Variants in CADM2 observed in about 807,000 individuals in gnomAD.
CADM2 encodes the protein immunoglobulin superfamily member 4D.
CADM2 carries 12 observed loss-of-function variants against 49.8 expected under a neutral mutation model. The ratio of observed to expected loss-of-function variants is 0.24; its 90% confidence interval spans 0.15 to 0.39. The LOEUF (loss-of-function observed/expected upper bound fraction) is 0.39. CADM2 is among the 10% of genes least tolerant of loss of function. CADM2 has a pLI of 1.00. For synonymous variants in CADM2, 214 were observed against 175.4 expected (o/e 1.22, Z -1.74); for missense variants, 378 against 492.3 (o/e 0.77, Z 2.20).
intron 5 of CADM2, among the ~76,000 whole-genome samples, chr3:85,903,217 G>A (rs555098845): frequency 6.9e-4 from 104 of 151,524 alleles, no homozygotes; most frequent in Non-Finnish European, 1.2e-3. Flanking sequence ...TCTTTGTTCT[G>A]ATTATTATTT....
At chr3:85,664,321 A>C (rs1363535536) in intron 1 of CADM2, among the ~76,000 whole-genome samples, 1 of 152,014 alleles carries the variant, frequency 6.6e-6, no homozygotes, top group Non-Finnish European at 1.5e-5. Context: ...CTATAGCTAC[A>C]GGCATTTTCA....
At chr3:86,053,280 T>C (rs1052324671) in intron 8 of CADM2, among the ~76,000 whole-genome samples, 2 of 152,220 alleles carry the variant, frequency 1.3e-5, no homozygotes, top group African/African-American at 4.8e-5. Context: ...ATTTTCCTTG[T>C]AAGTCAAACA....
intron 2 of CADM2, among the ~76,000 whole-genome samples, chr3:85,773,271 C>A (rs780092476): frequency 1.3e-5 from 2 of 151,964 alleles, no homozygotes; most frequent in Non-Finnish European, 2.9e-5. Flanking sequence ...ATAAACAGCC[C>A]CTTTTCCTTA....
intron 8 of CADM2, among the ~76,000 whole-genome samples, chr3:86,049,082 A>T (rs1464312522): frequency 6.6e-6 from 1 of 152,024 alleles, no homozygotes; most frequent in East Asian, 1.9e-4. Context: ...CATGTAATGT[A>T]GTAATTAAAA....
intron 1 of CADM2, among the ~76,000 whole-genome samples, chr3:85,159,413 T>G (rs1040866240): frequency 6.6e-6 from 1 of 152,108 alleles, no homozygotes; most frequent in African/African-American, 2.4e-5. Context: ...GAAATTAGGG[T>G]TGTAGACTGG....
At chr3:85,711,436 A>G (rs2067114421) in intron 1 of CADM2, among the ~76,000 whole-genome samples, 2 of 152,198 alleles carry the variant, frequency 1.3e-5, no homozygotes, top group South Asian at 4.1e-4. Context: ...GAAACTTTAA[A>G]AAAATAAAAC....
At chr3:85,233,330 T>TAAAG (rs2042339861) in intron 1 of CADM2, among the ~76,000 whole-genome samples, 1 of 152,108 alleles carries the variant, frequency 6.6e-6, no homozygotes, top group African/African-American at 2.4e-5. Flanking sequence ...ATTATGCATT[T>TAAAG]GTCAGAACCC....
At chr3:85,062,077 TACACACACACGCACACACACACACACAA>T in intron 1 of CADM2, among the ~76,000 whole-genome samples, 1 of 149,264 alleles carries the variant, frequency 6.7e-6, no homozygotes, top group African/African-American at 2.5e-5. Flanking sequence ...CTCTCACTCA[TACACACACACGCACACACACACACACAA>T]ACACACACAC....
At chr3:85,723,206 G>A (rs1392464336) in intron 1 of CADM2, among the ~76,000 whole-genome samples, 1 of 152,054 alleles carries the variant, frequency 6.6e-6, no homozygotes, top group Non-Finnish European at 1.5e-5. Flanking sequence ...GAAAAAAGTA[G>A]TATGAATAAT....
chr3:85,787,393 T>C (rs577336841), intron 2 of CADM2, among the ~76,000 whole-genome samples: 92 of 152,116 alleles, frequency 6.0e-4, no homozygotes, highest in Non-Finnish European at 1.0e-3. Flanking sequence ...AGGTACTTGA[T>C]TGTAAACACA....
At chr3:85,532,598 A>G (rs2061340032) in intron 1 of CADM2, among the ~76,000 whole-genome samples, 1 of 152,308 alleles carries the variant, frequency 6.6e-6, no homozygotes, top group South Asian at 2.1e-4. Flanking sequence ...GGCAAATGGC[A>G]GGAGAAATTG....
intron 1 of CADM2, among the ~76,000 whole-genome samples, chr3:85,110,441 C>A (rs1204357540): frequency 1.3e-5 from 2 of 151,756 alleles, no homozygotes. Flanking sequence ...ATTGTCCCTC[C>A]TTTCTTTATA....
rs535770623 is a variant in CADM2 at position 85,474,302 on chromosome 3, C to A, written c.62-252220C>A. Among the ~76,000 whole-genome samples, 6 of 151,808 alleles carry A rather than the reference C, an allele frequency of 4.0e-5. No homozygotes were observed. The East Asian group carries it at 1.2e-3, about 30-fold the overall frequency. ...CCTAGGTAAGTGTTGAAGTTGGAGT[C>A]CGAAGAGAGTCTCTTGGCGGAAGTC... On this transcript the variant is annotated intron_variant, in intron 1 of 9. Coordinates refer to ENST00000383699, the MANE Select transcript of CADM2 (RefSeq NM_001167675.2).
At chr3:85,548,565 C>T (rs983870667) in intron 1 of CADM2, among the ~76,000 whole-genome samples, 15 of 152,050 alleles carry the variant, frequency 9.9e-5, no homozygotes, top group Non-Finnish European at 1.8e-4. Context: ...TAAGAAACAG[C>T]AGAGAGAGAC....
chr3:85,156,148 A>G (rs1257278855), intron 1 of CADM2, among the ~76,000 whole-genome samples: 1 of 151,598 alleles, frequency 6.6e-6, no homozygotes, highest in Non-Finnish European at 1.5e-5. Context: ...GGAAATAGAG[A>G]CACAAAAAGC....
chr3:85,874,713 C>T (rs1445690039), intron 3 of CADM2, among the ~76,000 whole-genome samples: 1 of 151,866 alleles, frequency 6.6e-6, no homozygotes, highest in African/African-American at 2.4e-5. Context: ...AATATATTTT[C>T]TCAAGAAAAA....
chr3:85,289,367 G>T (rs1278463891), intron 1 of CADM2, among the ~76,000 whole-genome samples: 1 of 152,140 alleles, frequency 6.6e-6, no homozygotes, highest in Non-Finnish European at 1.5e-5. Flanking sequence ...AATGAAAGGG[G>T]AAACTATTGC....
intron 8 of CADM2, among the ~76,000 whole-genome samples, chr3:85,976,434 C>T (rs1726794187): frequency 6.6e-6 from 1 of 151,516 alleles, no homozygotes; most frequent in Admixed American, 6.6e-5. Context: ...TTACATCGTT[C>T]AATTTTAGTT....
intron 8 of CADM2, among the ~76,000 whole-genome samples, chr3:86,034,225 A>G (rs1026390226): frequency 5.3e-5 from 8 of 151,930 alleles, no homozygotes; most frequent in African/African-American, 7.2e-5. Context: ...AGTCATTTCA[A>G]TGAGGCTCTG....
Sources: allele counts gnomAD v4.1 joint callset (sites outside exome capture counted in the v4.1 genomes callset), GRCh38; gene constraint gnomAD v4.1.1; transcripts MANE v1.5; gene names NCBI Gene and HGNC (gene_info 2026-07-23, HGNC 2026-07-21).